Variants in LAMC1 observed in about 807,000 individuals in gnomAD.
LAMC1 encodes the protein laminin subunit gamma-1.
LAMC1 carries 38 observed loss-of-function variants against 173.6 expected under a neutral mutation model. That is an observed-to-expected ratio of 0.22 (90% confidence interval 0.17 to 0.29). The LOEUF (loss-of-function observed/expected upper bound fraction) is 0.29, where lower values mean the gene tolerates loss of function less well. Among genes scored for constraint, LAMC1 ranks in the 10% least tolerant of loss-of-function variants. The pLI, the probability that LAMC1 is intolerant of heterozygous loss-of-function variation, is 1.00. For missense variants in LAMC1, 1,824 were observed against 2,051.8 expected (o/e 0.89, Z 2.14); for synonymous variants, 746 against 749.1 (o/e 1.00, Z 0.07).
Position 183,063,250 on chromosome 1 carries a change from A to C in LAMC1, c.418+39116A>C, listed in dbSNP as rs1157560082. ...AACACTTTTCTGCAGTCCTTAGTGT[A>C]GTAAGATGGGAGCTTGTTCAGCAAG... On this transcript the variant is annotated intron_variant, in intron 1 of 27. Coordinates refer to ENST00000258341, the MANE Select transcript of LAMC1 (RefSeq NM_002293.4). 3.3e-5 allele frequency among the ~76,000 whole-genome samples: 5 copies of C among 152,210 alleles called. No individual in the cohort carries two copies. The East Asian group carries it at 9.6e-4, about 29-fold the overall frequency.
intron 16 of LAMC1, among the ~76,000 whole-genome samples, chr1:183,126,739 C>T (rs528989403): frequency 2.2e-4 from 33 of 152,330 alleles, no homozygotes; most frequent in African/African-American, 7.7e-4. Context: ...AATTGGGCCT[C>T]AGAACAGATT....
In LAMC1 at chr1:183,126,161, A is replaced by T. The variant is rs751574127; in HGVS notation, c.2843A>T (p.Asp948Val). The T allele has an allele frequency of 1.2e-6, 2 of 1,614,162 alleles. No individual in the cohort carries two copies. Among genetic ancestry groups the T allele is most frequent in the Non-Finnish European group, 1.7e-6 (2 of 1,180,020 alleles). Reference sequence around the variant, plus strand: ...TTGGGCTCCACCAATGGGCAGTGTGACATCCGCACCGGCCAGTGTGAGTGC... The same window carrying T: ...TTGGGCTCCACCAATGGGCAGTGTGTCATCCGCACCGGCCAGTGTGAGTGC... The part of the protein sequence containing the change: ...HALGSTNGQC[D>V]IRTGQCECQP... Residue 948 changes from aspartate (D) to valine (V), a missense_variant, in exon 16 of 28, where the codon GAC becomes GTC. Coordinates refer to ENST00000258341, the MANE Select transcript of LAMC1 (RefSeq NM_002293.4).
chr1:183,036,179 A>G lies in LAMC1; in HGVS notation c.418+12045A>G, dbSNP rs568645189. Among the ~76,000 whole-genome samples the G allele has an allele frequency of 1.5e-3, 226 of 150,454 alleles. 1 individual carries two copies. Among genetic ancestry groups the G allele is most frequent in the African/African-American group, 5.3e-3 (218 of 40,852 alleles). On this transcript the variant is annotated intron_variant, in intron 1 of 27. Transcript: ENST00000258341. ...AATGGCGCAATCTTGGCTCACTGCA[A>G]CTTCCGCCTCCCGGCTTCAAGTGAT...
chr1:183,114,584 C>T lies in LAMC1; in HGVS notation c.1075C>T (p.Arg359Cys), dbSNP rs147039384. ...ATGCTACTTCGACCCTGAACTCTAT[C>T]GTTCCACTGGCCATGGGGGCCACTG... ...QECYFDPELY[R>C]STGHGGHCTN... The change falls in exon 5 of 28, where the codon CGT (arginine) becomes TGT (cysteine). Residue 359 changes from arginine to cysteine, a missense_variant. Physicochemically the swap from Arg to Cys is radical, Grantham distance 180. Coordinates refer to ENST00000258341, the MANE Select transcript of LAMC1 (RefSeq NM_002293.4). 4.3e-6 allele frequency: 7 copies of T among 1,614,092 alleles called. No homozygotes were observed. Among genetic ancestry groups the T allele is most frequent in the African/African-American group, 2.7e-5 (2 of 74,922 alleles).
chr1:183,129,156 G>A (rs1012196609), intron 18 of LAMC1, among the ~76,000 whole-genome samples: 1 of 144,452 alleles, frequency 6.9e-6, no homozygotes, highest in Non-Finnish European at 1.5e-5. Context: ...CGCGATCTTG[G>A]CTCACTGCAA....
At chr1:183,038,033 A>ATG (rs1654027870) in intron 1 of LAMC1, among the ~76,000 whole-genome samples, 1 of 133,716 alleles carries the variant, frequency 7.5e-6, no homozygotes, top group South Asian at 2.5e-4. Context: ...TATACATTGT[A>ATG]TGTATTTTTT....
chr1:183,043,582 A>G (rs1571405183), intron 1 of LAMC1, among the ~76,000 whole-genome samples: 1 of 152,224 alleles, frequency 6.6e-6, no homozygotes, highest in African/African-American at 2.4e-5. Context: ...TGTTCTAACA[A>G]TTTGAGTGAA....
intron 11 of LAMC1, 151 bp from the exon 12 acceptor site, chr1:183,121,572 G>A: frequency 1.6e-6 from 1 of 621,712 alleles, no homozygotes; most frequent in Admixed American, 2.9e-5. Context: ...GTGTAGACGT[G>A]GATATCTCGT....
Position 183,124,735 on chromosome 1 carries a change from C to T in LAMC1, c.2506C>T (p.Pro836Ser), listed in dbSNP as rs1485184821. Residue 836 changes from proline (P) to serine (S), a missense_variant, in exon 14 of 28, where the codon CCC becomes TCC. Transcript: ENST00000258341. ...GTGCCAGTGCAGTGACAACATCGATCCCAATGCAGTTGGAAATTGCAATCG... is the reference window on the plus strand; with the variant it reads ...GTGCCAGTGCAGTGACAACATCGATTCCAATGCAGTTGGAAATTGCAATCG... Reference protein sequence around the residue: ...RLCQCSDNIDPNAVGNCNRLT... With the variant: ...RLCQCSDNIDSNAVGNCNRLT... 13 of 1,614,090 alleles carry T rather than the reference C, an allele frequency of 8.1e-6. No individual in the cohort carries two copies. In the Middle Eastern group the frequency reaches 8.2e-4, roughly 102 times the overall value.
chr1:183,125,599 T>C lies in LAMC1; in HGVS notation c.2801+49T>C, dbSNP rs376241310. On this transcript the variant is annotated intron_variant, in intron 15 of 27. Coordinates refer to ENST00000258341, the MANE Select transcript of LAMC1 (RefSeq NM_002293.4). ...AAAGTAATCTTTGCTTTTTCTGTTA[T>C]AAAAAATGAATTTTTATAAGTACAT... is the stretch of plus-strand genomic sequence containing the variant. The C allele has an allele frequency of 6.2e-4, 874 of 1,406,854 alleles. 5 individuals are homozygous for C. In the Middle Eastern group the frequency reaches 0.011, roughly 17 times the overall value. 87.1% of individuals were successfully genotyped at this position (1,406,854 alleles called of 1,614,324 possible). A position where few individuals can be genotyped will look rare whatever the true frequency, so the allele number is the denominator to read the frequency against.
At chr1:183,126,623 T>G (rs956964925) in intron 16 of LAMC1, among the ~76,000 whole-genome samples, 1 of 152,244 alleles carries the variant, frequency 6.6e-6, no homozygotes, top group Non-Finnish European at 1.5e-5. Context: ...AGGATTCTGT[T>G]CACAACATGT....
At position 183,110,789 on chromosome 1, in the gene LAMC1, T is replaced by C. The variant is rs949940544; in HGVS notation, c.1021+135T>C. 5 of 897,504 alleles carry C rather than the reference T, an allele frequency of 5.6e-6. No homozygotes were observed. In the African/African-American group the frequency reaches 6.7e-5, roughly 12 times the overall value. The allele number at this position is 897,504 out of a possible 1,614,324, so 55.6% of individuals were successfully genotyped here. A position where few individuals can be genotyped will look rare whatever the true frequency, so the allele number is the denominator to read the frequency against. On this transcript the variant is annotated intron_variant, in intron 4 of 27. Coordinates refer to ENST00000258341, the MANE Select transcript of LAMC1 (RefSeq NM_002293.4). Reference sequence around the variant, plus strand: ...CCAGCTTTTTGTGTAATTTGAGTAGTATTCAAGTCAGAGGAAAGTCATAGA... The same window carrying C: ...CCAGCTTTTTGTGTAATTTGAGTAGCATTCAAGTCAGAGGAAAGTCATAGA...
chr1:183,057,508 C>T (rs1474908075), intron 1 of LAMC1, among the ~76,000 whole-genome samples: 1 of 152,168 alleles, frequency 6.6e-6, no homozygotes, highest in Non-Finnish European at 1.5e-5. Flanking sequence ...CGCCTGTAAT[C>T]TCCGCATTTT....
At chr1:183,112,087 G>A (rs1656175124) in intron 4 of LAMC1, among the ~76,000 whole-genome samples, 1 of 151,980 alleles carries the variant, frequency 6.6e-6, no homozygotes, top group Middle Eastern at 3.2e-3. Flanking sequence ...CCCGAGAAGG[G>A]ACCACTATCT....
intron 1 of LAMC1, among the ~76,000 whole-genome samples, chr1:183,098,763 A>G (rs1409040968): frequency 6.6e-6 from 1 of 152,208 alleles, no homozygotes; most frequent in African/African-American, 2.4e-5. Flanking sequence ...CTTAAAACCT[A>G]CAATGTCACT....
intron 1 of LAMC1, among the ~76,000 whole-genome samples, chr1:183,045,617 G>A (rs941906947): frequency 2.0e-5 from 3 of 151,920 alleles, no homozygotes; most frequent in African/African-American, 7.2e-5. Context: ...GTTGTTTTAC[G>A]AATAGAACGC....
intron 18 of LAMC1, among the ~76,000 whole-genome samples, chr1:183,129,562 CTT>C (rs35704532): frequency 0.018 from 2,613 of 147,082 alleles, 81 homozygotes; most frequent in African/African-American, 0.06. Flanking sequence ...GACTTCTCAT[CTT>C]TTTTTTTTTT....
intron 1 of LAMC1, among the ~76,000 whole-genome samples, chr1:183,060,897 G>GGTTTGTGTA (rs1270851623): frequency 6.6e-6 from 1 of 152,226 alleles, no homozygotes; most frequent in Admixed American, 6.5e-5. Flanking sequence ...GTGTAAAATA[G>GGTTTGTGTA]AGATAGGAAG....
chr1:183,049,772 C>T (rs1654366218), intron 1 of LAMC1, among the ~76,000 whole-genome samples: 1 of 151,700 alleles, frequency 6.6e-6, no homozygotes, highest in Non-Finnish European at 1.5e-5. Flanking sequence ...CCAAAAGTGT[C>T]TGTTTTCTTA....
Sources: allele counts gnomAD v4.1 joint callset (sites outside exome capture counted in the v4.1 genomes callset), GRCh38; gene constraint gnomAD v4.1.1; transcripts MANE v1.5; gene names NCBI Gene and HGNC (gene_info 2026-07-23, HGNC 2026-07-21).